MAGI1: variants seen among roughly 807,000 people sequenced by gnomAD.
MAGI1 encodes the protein membrane associated guanylate kinase, WW and PDZ domain containing 1, also known as membrane-associated guanylate kinase, WW and PDZ domain-containing protein 1.
MAGI1 carries 58 observed loss-of-function variants against 139.9 expected under a neutral mutation model. That is an observed-to-expected ratio of 0.41 (90% confidence interval 0.34 to 0.52). The LOEUF (loss-of-function observed/expected upper bound fraction) is 0.52, where lower values mean the gene tolerates loss of function less well. MAGI1 is among the 20% of genes least tolerant of loss of function. The pLI is 0.12. For synonymous variants in MAGI1, 812 were observed against 737.9 expected, an observed-to-expected ratio of 1.10 and a Z score of -1.63; for missense variants, 1,874 against 1,901.6, an observed-to-expected ratio of 0.99 and a Z score of 0.27.
intron 1 of MAGI1, among the ~76,000 whole-genome samples, chr3:65,829,772 A>G (rs763645746): frequency 1.8e-4 from 27 of 152,206 alleles, no homozygotes; most frequent in Non-Finnish European, 1.9e-4. Flanking sequence ...ATTACTCTCA[A>G]AGATATTAAA....
intron 1 of MAGI1, among the ~76,000 whole-genome samples, chr3:65,750,864 C>T (rs1313199958): frequency 6.6e-6 from 1 of 152,192 alleles, no homozygotes; most frequent in Admixed American, 6.5e-5. Context: ...CATAGTACTA[C>T]TTGAAATTTT....
chr3:65,779,817 G>C (rs2038783980), intron 1 of MAGI1, among the ~76,000 whole-genome samples: 1 of 152,192 alleles, frequency 6.6e-6, no homozygotes. Flanking sequence ...TTAAGCAAAA[G>C]CAGTAGCAAG....
chr3:65,866,343 G>A (rs1183336060), intron 1 of MAGI1, among the ~76,000 whole-genome samples: 2 of 138,438 alleles, frequency 1.4e-5, no homozygotes, highest in African/African-American at 2.8e-5. Flanking sequence ...CCTCCTGAGT[G>A]CCTACTTCTT....
chr3:65,775,716 G>A (rs1336967039), intron 1 of MAGI1, among the ~76,000 whole-genome samples: 11 of 151,536 alleles, frequency 7.3e-5, no homozygotes, highest in Non-Finnish European at 1.2e-4. Flanking sequence ...GGAGGTGGGC[G>A]GGTTGCTTGA....
At chr3:65,604,005 T>C (rs2106864207) in intron 2 of MAGI1, among the ~76,000 whole-genome samples, 1 of 152,342 alleles carries the variant, frequency 6.6e-6, no homozygotes, top group East Asian at 1.9e-4. Context: ...TTGGCCATTA[T>C]GTTTCAACAC....
intron 2 of MAGI1, among the ~76,000 whole-genome samples, chr3:65,522,307 C>T (rs962903037): frequency 5.9e-5 from 9 of 152,284 alleles, no homozygotes; most frequent in East Asian, 3.9e-4. Flanking sequence ...TCTTTCTTCA[C>T]GGAGCATTTC....
intron 12 of MAGI1, 186 bp from the exon 13 acceptor site, chr3:65,401,656 A>G (rs1281914658): frequency 1.3e-6 from 2 of 1,546,250 alleles, no homozygotes; most frequent in Non-Finnish European, 1.7e-6. Flanking sequence ...AGGGAGGAGG[A>G]GAGCGAGAGG....
chr3:65,604,628 T>C (rs944236462), intron 2 of MAGI1, among the ~76,000 whole-genome samples: 11 of 151,828 alleles, frequency 7.2e-5, no homozygotes, highest in African/African-American at 1.9e-4. Context: ...TTGATTTCCA[T>C]CATATAAGAA....
chr3:65,732,280 C>G (rs1305152824), intron 1 of MAGI1, among the ~76,000 whole-genome samples: 1 of 152,186 alleles, frequency 6.6e-6, no homozygotes, highest in Admixed American at 6.5e-5. Context: ...TGGCTACTCT[C>G]ATTTACAAGA....
At chr3:65,769,165 T>C (rs2037746233) in intron 1 of MAGI1, among the ~76,000 whole-genome samples, 1 of 152,210 alleles carries the variant, frequency 6.6e-6, no homozygotes, top group African/African-American at 2.4e-5. Context: ...TGTCGATCTG[T>C]TTTTTTCTGA....
At chr3:65,621,677 G>A (rs2083675154) in intron 2 of MAGI1, among the ~76,000 whole-genome samples, 1 of 152,108 alleles carries the variant, frequency 6.6e-6, no homozygotes. Flanking sequence ...TGATCTCATT[G>A]ACTCCTCATA....
At chr3:65,551,145 G>A (rs1418884450) in intron 2 of MAGI1, among the ~76,000 whole-genome samples, 1 of 152,116 alleles carries the variant, frequency 6.6e-6, no homozygotes, top group Non-Finnish European at 1.5e-5. Flanking sequence ...TGAGTTCTCA[G>A]GAGATCTAAG....
intron 1 of MAGI1, among the ~76,000 whole-genome samples, chr3:66,001,850 C>A (rs2066756959): frequency 6.6e-6 from 1 of 152,142 alleles, no homozygotes; most frequent in South Asian, 2.1e-4. Context: ...GCTGTTAAAG[C>A]CTTTAGAAAA....
intron 1 of MAGI1, among the ~76,000 whole-genome samples, chr3:65,786,087 C>T (rs1226170264): frequency 6.6e-6 from 1 of 151,922 alleles, no homozygotes; most frequent in East Asian, 1.9e-4. Flanking sequence ...TCCCGAGTAG[C>T]TGGGATTATA....
At chr3:65,802,703 T>C (rs971293960) in intron 1 of MAGI1, among the ~76,000 whole-genome samples, 1 of 152,194 alleles carries the variant, frequency 6.6e-6, no homozygotes, top group African/African-American at 2.4e-5. Flanking sequence ...AAACAAACAC[T>C]GAATTAGGTA....
At chr3:65,387,148 C>T (rs1196524251) in intron 14 of MAGI1, 1 of 1,613,732 alleles carries the variant, frequency 6.2e-7, no homozygotes, top group Non-Finnish European at 8.5e-7. Context: ...CTTACTCGGA[C>T]ATTCTCCAAA....
chr3:65,584,261 T>C (rs922621821), intron 2 of MAGI1, among the ~76,000 whole-genome samples: 1 of 152,162 alleles, frequency 6.6e-6, no homozygotes. Flanking sequence ...AATGCTGGAA[T>C]TGGTGAGGCT....
At chr3:65,510,137 AC>A (rs2077507028) in intron 2 of MAGI1, among the ~76,000 whole-genome samples, 2 of 152,210 alleles carry the variant, frequency 1.3e-5, no homozygotes, top group Non-Finnish European at 2.9e-5. Flanking sequence ...GGACACCCAC[AC>A]CAAAAACCCA....
intron 1 of MAGI1, among the ~76,000 whole-genome samples, chr3:65,981,255 T>C (rs1414424556): frequency 6.6e-6 from 1 of 152,214 alleles, no homozygotes; most frequent in Non-Finnish European, 1.5e-5. Context: ...TTTTAGCTTC[T>C]ATATTGGATA....
Sources: gnomAD v4.1 joint callset for allele counts (sites outside exome capture counted in the v4.1 genomes callset) on GRCh38, gnomAD v4.1.1 for gene constraint, MANE v1.5 for transcripts, NCBI Gene and HGNC (gene_info 2026-07-23, HGNC 2026-07-21) for gene names.